Variants in ADGRG6 observed in about 807,000 individuals in gnomAD.
ADGRG6 encodes the protein G-protein coupled receptor 126.
In ADGRG6, 84 loss-of-function variants were observed where a neutral mutation model predicts 142.4. That is an observed-to-expected ratio of 0.59 (90% CI 0.49 to 0.71). The LOEUF (loss-of-function observed/expected upper bound fraction) is 0.71, where lower values mean the gene tolerates loss of function less well. Ranked by LOEUF, ADGRG6 falls within the 30% of genes least tolerant of loss-of-function variation. The probability of loss-of-function intolerance (pLI) is 0.00; values close to 1 mark genes in which losing one functional copy is unlikely to be tolerated. For synonymous variants in ADGRG6, 521 were observed against 520.5 expected (o/e 1.00, Z -0.01); for missense variants, 1,367 against 1,466.6 (o/e 0.93, Z 1.11).
intron 24 of ADGRG6, among the ~76,000 whole-genome samples, chr6:142,439,222 A>G (rs116247756): frequency 0.028 from 4,317 of 152,330 alleles, 189 homozygotes; most frequent in African/African-American, 0.097. Context: ...ATGTTTTCAA[A>G]GGGAAATAAT....
At chr6:142,390,056 T>G (rs1714645615) in intron 6 of ADGRG6, among the ~76,000 whole-genome samples, 1 of 151,786 alleles carries the variant, frequency 6.6e-6, no homozygotes. Flanking sequence ...AGTTGGAAGG[T>G]CAATAAGCTT....
chr6:142,353,664 A>C (rs1479500859), intron 2 of ADGRG6, among the ~76,000 whole-genome samples: 2 of 152,196 alleles, frequency 1.3e-5, no homozygotes, highest in Non-Finnish European at 2.9e-5. Context: ...AGTTGATCTA[A>C]CTTAATGAGA....
intron 2 of ADGRG6, among the ~76,000 whole-genome samples, chr6:142,318,383 T>TTA (rs1291514201): frequency 4.4e-5 from 5 of 112,850 alleles, no homozygotes; most frequent in African/African-American, 1.7e-4. Context: ...ATTTATATAT[T>TTA]TATATATTAT....
At position 142,355,251 on chromosome 6, in the gene ADGRG6, A is replaced by G. The variant is rs566803868; in HGVS notation, c.104-12318A>G. The stretch of plus-strand genomic sequence containing the variant: ...TTTTCCGTAAGATGGACCTCTCTAT[A>G]TAATTTCAGTAATCACTGGGGCTCA... On this transcript the variant is annotated intron_variant, in intron 2 of 24. Coordinates refer to ENST00000367609, the MANE Select transcript of ADGRG6 (RefSeq NM_198569.3). 3.9e-5 allele frequency among the ~76,000 whole-genome samples: 6 copies of G among 152,112 alleles called. No individual in the cohort carries two copies. The South Asian group carries it at 6.2e-4, about 16-fold the overall frequency.
chr6:142,319,226 A>C (rs1194261727), intron 2 of ADGRG6, among the ~76,000 whole-genome samples: 1 of 152,100 alleles, frequency 6.6e-6, no homozygotes. Context: ...CTTCTTGCTC[A>C]AACGCATATT....
intron 24 of ADGRG6, chr6:142,441,012 G>T: frequency 1.3e-6 from 1 of 783,460 alleles, no homozygotes; most frequent in Non-Finnish European, 2.0e-6. Flanking sequence ...AAGAGAATAT[G>T]TGCATGGATT....
At chr6:142,426,738 G>C (rs746816114) in intron 22 of ADGRG6, among the ~76,000 whole-genome samples, 34 of 152,270 alleles carry the variant, frequency 2.2e-4, no homozygotes, top group Non-Finnish European at 3.8e-4. Context: ...ACTTTTGTCT[G>C]GGCATCCAAG....
At chr6:142,359,459 G>A (rs1780615013) in intron 2 of ADGRG6, among the ~76,000 whole-genome samples, 1 of 152,064 alleles carries the variant, frequency 6.6e-6, no homozygotes, top group Non-Finnish European at 1.5e-5. Context: ...TGTACCTGCT[G>A]ACCTCACTGC....
intron 2 of ADGRG6, among the ~76,000 whole-genome samples, chr6:142,347,531 G>A (rs1194434123): frequency 1.3e-5 from 2 of 152,156 alleles, no homozygotes; most frequent in Non-Finnish European, 2.9e-5. Flanking sequence ...TGAGGTTTAT[G>A]TATCCATCTG....
In ADGRG6 at chr6:142,431,426, A is replaced by C. The variant is rs550501164; in HGVS notation, c.3320-6008A>C. 2.0e-5 allele frequency among the ~76,000 whole-genome samples: 3 copies of C among 152,310 alleles called. No homozygotes were observed. In the South Asian group the frequency reaches 6.2e-4, roughly 32 times the overall value. ...TTCTTGAAACTGGCACTAGCTTTTC[A>C]GGATGATGTAAAAGCTTTAACTCTG... On this transcript the variant is annotated intron_variant, in intron 22 of 24. Transcript: ENST00000367609.
chr6:142,367,894 TG>T lies in ADGRG6; in HGVS notation c.430del (p.Ala144ProfsTer10), dbSNP rs1314013538. 6.2e-7 allele frequency: 1 copy of T among 1,603,866 alleles called. No homozygotes were observed. The highest frequency in any genetic ancestry group is 8.5e-7 in the Non-Finnish European group (1 of 1,175,426). Reference sequence around the variant, plus strand: ...TTAGCATCCAGAAGAAAGGTTTCAATGCCAGCTACATCAGAGGTATGTAAAC... The same window carrying T: ...TTAGCATCCAGAAGAAAGGTTTCAATCCAGCTACATCAGAGGTATGTAAAC... ...DFSIQKKGFN[A>X]SYIRVAVSLR... On this transcript the variant is annotated frameshift_variant, in exon 3 of 25. Coordinates refer to ENST00000367609, the MANE Select transcript of ADGRG6 (RefSeq NM_198569.3). LOFTEE classifies it high-confidence loss of function.
At chr6:142,429,938 T>G (rs897742697) in intron 22 of ADGRG6, among the ~76,000 whole-genome samples, 3 of 152,090 alleles carry the variant, frequency 2.0e-5, no homozygotes, top group African/African-American at 7.2e-5. Context: ...GTATTCCTAG[T>G]TACTCAGGAG....
chr6:142,409,110 C>T (rs967569989), intron 16 of ADGRG6, among the ~76,000 whole-genome samples: 4 of 152,086 alleles, frequency 2.6e-5, no homozygotes, highest in African/African-American at 9.7e-5. Flanking sequence ...TGTTATGCAG[C>T]CATCACCACT....
chr6:142,418,715 G>A (rs1776501698), intron 21 of ADGRG6, among the ~76,000 whole-genome samples: 1 of 152,096 alleles, frequency 6.6e-6, no homozygotes, highest in South Asian at 2.1e-4. Flanking sequence ...ATTCAAAGAT[G>A]TGCAGGACAG....
At chr6:142,402,590 T>G (rs1183000467) in intron 12 of ADGRG6, 30 bp from the exon 13 acceptor site, 1 of 1,106,680 alleles carries the variant, frequency 9.0e-7, no homozygotes, top group Non-Finnish European at 1.4e-6. Flanking sequence ...AGGTAAAACT[T>G]AGTGTTGTTT....
At position 142,395,254 on chromosome 6, in the gene ADGRG6, T is replaced by C. The variant is rs558626973; in HGVS notation, c.1424+1296T>C. On this transcript the variant is annotated intron_variant, in intron 9 of 24. Transcript: ENST00000367609. Reference sequence around the variant, plus strand: ...AAAACACAGTAGTATATTTCAGTACTGTATTCTTGAAGGTGACAGAACTCT... The same window carrying C: ...AAAACACAGTAGTATATTTCAGTACCGTATTCTTGAAGGTGACAGAACTCT... Among the ~76,000 whole-genome samples, 38 of 152,324 alleles carry C rather than the reference T, an allele frequency of 2.5e-4. No individual in the cohort carries two copies. In the South Asian group the frequency reaches 6.6e-3, roughly 27 times the overall value.
intron 1 of ADGRG6, chr6:142,302,716 A>G (rs991011457): frequency 1.3e-4 from 31 of 246,564 alleles, no homozygotes; most frequent in Non-Finnish European, 2.2e-4. Context: ...CGCTCTCCGG[A>G]ATCAACACCT....
intron 2 of ADGRG6, among the ~76,000 whole-genome samples, chr6:142,311,069 T>A (rs1777747556): frequency 6.6e-6 from 1 of 151,892 alleles, no homozygotes; most frequent in African/African-American, 2.4e-5. Flanking sequence ...CATTCTTGAA[T>A]TTTAATCATT....
At chr6:142,433,074 C>A (rs1777291576) in intron 22 of ADGRG6, among the ~76,000 whole-genome samples, 1 of 152,190 alleles carries the variant, frequency 6.6e-6, no homozygotes, top group Admixed American at 6.5e-5. Context: ...AAATGTGACT[C>A]TGTTAAACAA....
Sources: allele counts gnomAD v4.1 joint callset (sites outside exome capture counted in the v4.1 genomes callset), GRCh38; gene constraint gnomAD v4.1.1; transcripts MANE v1.5; gene names NCBI Gene and HGNC (gene_info 2026-07-23, HGNC 2026-07-21).